Variants in ANO3 observed in about 807,000 individuals in gnomAD.
ANO3 encodes anoctamin 3.
Under a neutral mutation model 144.8 loss-of-function variants are expected in ANO3, and 99 were observed. That is an observed-to-expected ratio of 0.68 (90% CI 0.58 to 0.81). The LOEUF (loss-of-function observed/expected upper bound fraction) is 0.81, where lower values mean the gene tolerates loss of function less well. Among genes scored for constraint, ANO3 ranks in the 30% least tolerant of loss-of-function variants. The pLI is 0.00. For missense variants in ANO3, 905 were observed against 1,202.2 expected, an observed-to-expected ratio of 0.75 and a Z score of 3.66; for synonymous variants, 414 against 392.6, an observed-to-expected ratio of 1.05 and a Z score of -0.64.
intron 17 of ANO3, among the ~76,000 whole-genome samples, chr11:26,602,363 T>C (rs1851821319): frequency 6.6e-6 from 1 of 152,124 alleles, no homozygotes; most frequent in Non-Finnish European, 1.5e-5. Flanking sequence ...CCATACTTGA[T>C]GGTATTTGAT....
At chr11:26,276,934 CTCT>C (rs1853571960) in intron 1 of ANO3, among the ~76,000 whole-genome samples, 1 of 152,062 alleles carries the variant, frequency 6.6e-6, no homozygotes. Flanking sequence ...TTGTAACCTC[CTCT>C]GAGGTCACCT....
chr11:26,228,844 A>C (rs1293576759), intron 1 of ANO3, among the ~76,000 whole-genome samples: 1 of 152,224 alleles, frequency 6.6e-6, no homozygotes, highest in South Asian at 2.1e-4. Context: ...AATAGATAGC[A>C]CTTGGTGGGA....
intron 1 of ANO3, among the ~76,000 whole-genome samples, chr11:26,317,491 C>T (rs1276514743): frequency 6.6e-6 from 1 of 152,010 alleles, no homozygotes; most frequent in Non-Finnish European, 1.5e-5. Flanking sequence ...ATTTATGCGG[C>T]CAACAAACAT....
chr11:26,544,270 A>ATG (rs1472889429), intron 11 of ANO3, among the ~76,000 whole-genome samples: 6 of 92,278 alleles, frequency 6.5e-5, no homozygotes, highest in Non-Finnish European at 1.3e-4. Context: ...ATATATATAT[A>ATG]TATACACACA....
chr11:26,363,321 C>A (rs1004349122), intron 1 of ANO3, among the ~76,000 whole-genome samples: 1 of 152,134 alleles, frequency 6.6e-6, no homozygotes, highest in African/African-American at 2.4e-5. Flanking sequence ...GATGCCATAA[C>A]AAAATACTAA....
intron 22 of ANO3, among the ~76,000 whole-genome samples, chr11:26,642,306 C>A (rs1261245634): frequency 6.7e-6 from 1 of 150,032 alleles, no homozygotes; most frequent in African/African-American, 2.5e-5. Context: ...CAAAATAATG[C>A]TGAACCAGTT....
Position 26,469,969 on chromosome 11 carries a change from A to C in ANO3, c.432+6821A>C, listed in dbSNP as rs140378681. On this transcript the variant is annotated intron_variant, in intron 4 of 26. Coordinates refer to ENST00000256737, the MANE Select transcript of ANO3 (RefSeq NM_031418.4). ...TTGTACTTTTAAACTATAAGCTATCATTTTTATTCCTTGCTGGCCAATATG... is the reference window on the plus strand; with the variant it reads ...TTGTACTTTTAAACTATAAGCTATCCTTTTTATTCCTTGCTGGCCAATATG... Among the ~76,000 whole-genome samples, 358 of 152,088 alleles carry C rather than the reference A, an allele frequency of 2.4e-3. 1 individual carries two copies. Among genetic ancestry groups the C allele is most frequent in the Non-Finnish European group, 3.5e-3 (238 of 67,926 alleles).
At chr11:26,514,774 C>T (rs919110578) in intron 5 of ANO3, among the ~76,000 whole-genome samples, 7 of 152,030 alleles carry the variant, frequency 4.6e-5, no homozygotes, top group South Asian at 2.1e-4. Context: ...AAACTTAACA[C>T]GTCTTTCACT....
At position 26,414,017 on chromosome 11, in the gene ANO3, G is replaced by A. The variant is rs115187753; in HGVS notation, c.47-27901G>A. On this transcript the variant is annotated intron_variant, in intron 1 of 26. Transcript: ENST00000256737. ...TATAAAATATTACAATCTTGGAATTGGAATCGCCCATAACTTTGTGAGATA... is the reference window on the plus strand; with the variant it reads ...TATAAAATATTACAATCTTGGAATTAGAATCGCCCATAACTTTGTGAGATA... Among the ~76,000 whole-genome samples, 268 of 152,142 alleles carry A rather than the reference G, an allele frequency of 1.8e-3. 3 individuals carry two copies. Among genetic ancestry groups the A allele is most frequent in the African/African-American group, 6.4e-3 (264 of 41,550 alleles).
intron 1 of ANO3, among the ~76,000 whole-genome samples, chr11:26,251,797 T>A (rs924329136): frequency 3.3e-5 from 5 of 152,114 alleles, no homozygotes; most frequent in African/African-American, 4.8e-5. Context: ...AGCGAGGAAG[T>A]GCCACATTTA....
intron 14 of ANO3, among the ~76,000 whole-genome samples, chr11:26,575,970 T>A (rs926938387): frequency 6.6e-6 from 1 of 152,224 alleles, no homozygotes; most frequent in East Asian, 1.9e-4. Context: ...AATACTTTCT[T>A]CAGAATGATA....
chr11:26,412,227 C>T (rs10767526), intron 1 of ANO3, among the ~76,000 whole-genome samples: 95,958 of 151,844 alleles, frequency 0.63, 32,936 homozygotes, highest in Admixed American at 0.78. Context: ...CTATCTGAAC[C>T]TGTGATTACA....
At chr11:26,357,977 A>G (rs1363441323) in intron 1 of ANO3, among the ~76,000 whole-genome samples, 2 of 152,120 alleles carry the variant, frequency 1.3e-5, no homozygotes, top group South Asian at 2.1e-4. Flanking sequence ...TCAAAAATCA[A>G]TTGTCCCTGT....
At chr11:26,249,805 A>G (rs1437682501) in intron 1 of ANO3, among the ~76,000 whole-genome samples, 1 of 152,036 alleles carries the variant, frequency 6.6e-6, no homozygotes. Flanking sequence ...AAGAAAGAGA[A>G]AGAAAGAATA....
intron 15 of ANO3, 73 bp from the exon 16 acceptor site, chr11:26,598,785 C>A: frequency 4.1e-6 from 6 of 1,466,416 alleles, no homozygotes; most frequent in Non-Finnish European, 5.5e-6. Context: ...TTAGGAGTAT[C>A]GTATCAATTC....
intron 1 of ANO3, among the ~76,000 whole-genome samples, chr11:26,366,760 G>T (rs1266313362): frequency 6.8e-6 from 1 of 146,638 alleles, no homozygotes; most frequent in Non-Finnish European, 1.5e-5. Flanking sequence ...GTGTCTGTTG[G>T]CTGCATAAAT....
chr11:26,263,651 G>A (rs1202344544), intron 1 of ANO3, among the ~76,000 whole-genome samples: 1 of 152,136 alleles, frequency 6.6e-6, no homozygotes, highest in Non-Finnish European at 1.5e-5. Flanking sequence ...TACCTAAGAG[G>A]AGAATTTAGA....
chr11:26,553,401 A>T, intron 13 of ANO3, 56 bp downstream of exon 13: 1 of 1,253,732 alleles, frequency 8.0e-7, no homozygotes, highest in Non-Finnish European at 1.1e-6. Context: ...GCAGGCTGTA[A>T]GAAGTCCTCT....
chr11:26,364,623 A>AAG (rs1056887110), intron 1 of ANO3, among the ~76,000 whole-genome samples: 14 of 152,268 alleles, frequency 9.2e-5, no homozygotes, highest in African/African-American at 3.1e-4. Context: ...AAGCAAGACC[A>AAG]AGAGAGAGAG....
Sources: allele counts gnomAD v4.1 joint callset (sites outside exome capture counted in the v4.1 genomes callset), GRCh38; gene constraint gnomAD v4.1.1; transcripts MANE v1.5; gene names NCBI Gene and HGNC (gene_info 2026-07-23, HGNC 2026-07-21).